NCEH1: variants seen among roughly 807,000 people sequenced by gnomAD.
NCEH1 encodes 2-acetyl MAGE hydrolase.
A neutral mutation model predicts 25.4 loss-of-function variants in NCEH1; 9 were observed. That is an observed-to-expected ratio of 0.35 (90% CI 0.21 to 0.62). The LOEUF is 0.62. Among genes scored for constraint, NCEH1 ranks in the 20% least tolerant of loss-of-function variants. NCEH1 has a pLI of 0.72. For synonymous variants in NCEH1, 200 were observed against 199.8 expected, an observed-to-expected ratio of 1.00 and a Z score of -0.01; for missense variants, 412 against 501.1, an observed-to-expected ratio of 0.82 and a Z score of 1.70.
intron 1 of NCEH1, among the ~76,000 whole-genome samples, chr3:172,695,763 G>A (rs778099355): frequency 2.0e-5 from 3 of 152,014 alleles, no homozygotes; most frequent in Non-Finnish European, 4.4e-5. Flanking sequence ...GGCCAAAATG[G>A]TGAAATGCTG....
intron 3 of NCEH1, among the ~76,000 whole-genome samples, chr3:172,644,145 AGTGACTCTAGGGCTTTGGG>A (rs1560181462): frequency 2.4e-5 from 2 of 83,738 alleles, no homozygotes; most frequent in Admixed American, 1.5e-4. Flanking sequence ...AGGGCTTTTG[AGTGACTCTAGGGCTTTGGG>A]GTGACTCTAG....
chr3:172,664,154 C>T (rs757357432), intron 1 of NCEH1, among the ~76,000 whole-genome samples: 8 of 152,160 alleles, frequency 5.3e-5, no homozygotes, highest in Non-Finnish European at 1.2e-4. Context: ...GGCAGGCCTA[C>T]TGGTGACAAA....
rs1429401777 is a variant in NCEH1, at chr3:172,633,706, T to C, written c.996A>G (p.Ala332=). Residue 332 remains alanine, a synonymous_variant, in exon 5 of 5, where the codon GCA becomes GCG. Transcript: ENST00000475381. ...ARSAPLIADQ[A]VLQLLPKTYI... ...AGGTCTTTGGGAGGAGCTGCAGCAC[T>C]GCCTGGTCTGCAATGAGTGGGGCGG... 6.2e-7 allele frequency: 1 copy of C among 1,614,126 alleles called. No homozygotes were observed. The highest frequency in any genetic ancestry group is 8.5e-7 in the Non-Finnish European group (1 of 1,180,042).
At chr3:172,638,276 CAAAAAAAAAAAAAAAA>C (rs57018096) in intron 3 of NCEH1, among the ~76,000 whole-genome samples, 1 of 22,576 alleles carries the variant, frequency 4.4e-5, no homozygotes, top group South Asian at 1.7e-3. Flanking sequence ...AGACTCTGTC[CAAAAAAAAAAAAAAAA>C]AAAAAAAAAA....
chr3:172,667,333 C>T (rs151147945), intron 1 of NCEH1, among the ~76,000 whole-genome samples: 22 of 152,288 alleles, frequency 1.4e-4, no homozygotes, highest in African/African-American at 3.8e-4. Flanking sequence ...TGCTTTAGCA[C>T]GGGGCATAAT....
chr3:172,647,886 T>G lies in NCEH1; in HGVS notation c.367A>C (p.Lys123Gln). ...HGGGWALASAKIRYYDELCTA... is the reference protein window; with the variant it reads ...HGGGWALASAQIRYYDELCTA... ...CCATCTGAAGGTGACCAGGACGCAC[T>G]TGCACTTGCCAAGGCCCAGCCTCCT... The change falls in exon 2 of 5, where the codon AAA (lysine) becomes CAA (glutamine). Residue 123 changes from lysine (K) to glutamine (Q), a missense_variant and splice_region_variant. Physicochemically the swap from Lys to Gln is moderately conservative, Grantham distance 53 (BLOSUM62 1). Coordinates refer to ENST00000475381, the MANE Select transcript of NCEH1 (RefSeq NM_020792.6). The G allele has an allele frequency of 6.2e-7, 1 of 1,614,134 alleles. No individual in the cohort carries two copies. Among genetic ancestry groups the G allele is most frequent in the Non-Finnish European group, 8.5e-7 (1 of 1,180,010 alleles).
chr3:172,665,352 G>A (rs1019002462), intron 1 of NCEH1, among the ~76,000 whole-genome samples: 1 of 152,178 alleles, frequency 6.6e-6, no homozygotes, highest in Admixed American at 6.5e-5. Flanking sequence ...TCCTCTGGAA[G>A]CTTTGTCTCA....
chr3:172,666,360 A>G (rs548196953), intron 1 of NCEH1, among the ~76,000 whole-genome samples: 2 of 152,276 alleles, frequency 1.3e-5, no homozygotes, highest in African/African-American at 4.8e-5. Flanking sequence ...GGCTACATAA[A>G]TGACACACCT....
intron 1 of NCEH1, among the ~76,000 whole-genome samples, chr3:172,694,645 G>A (rs1415582486): frequency 6.6e-6 from 1 of 152,188 alleles, no homozygotes; most frequent in Non-Finnish European, 1.5e-5. Flanking sequence ...TGCCTGGAGT[G>A]CACTTGTGGG....
chr3:172,648,413 T>A (rs1461021037), intron 1 of NCEH1, among the ~76,000 whole-genome samples: 1 of 152,180 alleles, frequency 6.6e-6, no homozygotes, highest in Admixed American at 6.5e-5. Context: ...AACCTAAGAT[T>A]AGGTTTGAAT....
chr3:172,710,636 C>A (rs1714246982), intron 1 of NCEH1, among the ~76,000 whole-genome samples: 2 of 152,222 alleles, frequency 1.3e-5, no homozygotes, highest in Admixed American at 6.5e-5. Flanking sequence ...CCGTCACAAA[C>A]GCAGACGGGG....
At chr3:172,634,141 T>C in intron 4 of NCEH1, 49 bp from the exon 5 acceptor site, 1 of 1,555,420 alleles carries the variant, frequency 6.4e-7, no homozygotes, top group Non-Finnish European at 8.7e-7. Flanking sequence ...TGCCTTCTTT[T>C]ATAGGAACCA....
chr3:172,660,203 T>C (rs9850408), intron 1 of NCEH1, among the ~76,000 whole-genome samples: 72,475 of 148,684 alleles, frequency 0.49, 19,811 homozygotes, highest in African/African-American at 0.77. Flanking sequence ...TCAATTCCCA[T>C]CTATGAGTGA....
intron 1 of NCEH1, among the ~76,000 whole-genome samples, chr3:172,677,773 A>G (rs1035194412): frequency 6.6e-6 from 1 of 152,170 alleles, no homozygotes; most frequent in Admixed American, 6.5e-5. Flanking sequence ...CTAAAAATAC[A>G]AAAAATTAGC....
chr3:172,669,490 G>A (rs1711507692), intron 1 of NCEH1, among the ~76,000 whole-genome samples: 2 of 152,190 alleles, frequency 1.3e-5, no homozygotes, highest in Non-Finnish European at 2.9e-5. Flanking sequence ...TTTCCTAAAG[G>A]TCATGCAGAA....
intron 1 of NCEH1, among the ~76,000 whole-genome samples, chr3:172,697,520 T>TA (rs1713437804): frequency 6.6e-6 from 1 of 152,154 alleles, no homozygotes; most frequent in Admixed American, 6.6e-5. Context: ...AATAAACTGT[T>TA]AAACTTATTT....
intron 1 of NCEH1, among the ~76,000 whole-genome samples, chr3:172,697,996 A>G (rs1303773700): frequency 4.3e-5 from 2 of 46,906 alleles, no homozygotes; most frequent in Non-Finnish European, 8.4e-5. Flanking sequence ...TTTTTTTTTG[A>G]GACGGAGTCT....
intron 1 of NCEH1, among the ~76,000 whole-genome samples, chr3:172,668,348 ATTTTTTTTTTTT>A (rs1200625132): frequency 1.3e-5 from 1 of 78,976 alleles, no homozygotes; most frequent in South Asian, 6.0e-4. Context: ...AAAAGGAAGC[ATTTTTTTTTTTT>A]TTTTTTTTTT....
intron 1 of NCEH1, among the ~76,000 whole-genome samples, chr3:172,678,825 T>C (rs1031617345): frequency 6.6e-6 from 1 of 152,198 alleles, no homozygotes; most frequent in Admixed American, 6.5e-5. Flanking sequence ...ACAGGTCATT[T>C]TTCAACCCTC....
Sources: gnomAD v4.1 joint callset for allele counts (sites outside exome capture counted in the v4.1 genomes callset) on GRCh38, gnomAD v4.1.1 for gene constraint, MANE v1.5 for transcripts, NCBI Gene and HGNC (gene_info 2026-07-23, HGNC 2026-07-21) for gene names.